The following RBFOX3 variants were observed in gnomAD, a reference collection of about 807,000 sequenced individuals.
RBFOX3 encodes the protein RNA binding protein fox-1 homolog 3.
A neutral mutation model predicts 48.7 loss-of-function variants in RBFOX3; 17 were observed. The ratio of observed to expected loss-of-function variants is 0.35; its 90% confidence interval spans 0.24 to 0.52. RBFOX3 has a LOEUF of 0.52. Ranked by LOEUF, RBFOX3 falls within the 20% of genes least tolerant of loss-of-function variation. The probability of loss-of-function intolerance (pLI) is 0.94; values close to 1 mark genes in which losing one functional copy is unlikely to be tolerated. For missense variants in RBFOX3, 382 were observed against 497.5 expected (o/e 0.77, Z 2.21); for synonymous variants, 212 against 209.5 (o/e 1.01, Z -0.10).
rs1027443332 is a variant in RBFOX3, at chr17:79,477,937, G to T, written c.-175+4517C>A. 6.6e-6 allele frequency among the ~76,000 whole-genome samples: 1 copy of T among 152,096 alleles called. No individual in the cohort carries two copies. The highest frequency in any genetic ancestry group is 2.4e-5 in the African/African-American group (1 of 41,430). On this transcript the variant is annotated intron_variant, in intron 2 of 14. Transcript: ENST00000693108. The surrounding 1 kb of genome is among the most constrained non-coding windows in gnomAD (Gnocchi z 4.8). ...CAGCAACGTCCTTCAGCTGGGCACC[G>T]CCTGTTCCACCCAGGAGCACCTAGG... is the stretch of plus-strand genomic sequence containing the variant.
chr17:79,186,699 A>C (rs548961966), intron 4 of RBFOX3, among the ~76,000 whole-genome samples: 1 of 152,320 alleles, frequency 6.6e-6, no homozygotes, highest in South Asian at 2.1e-4. Flanking sequence ...GGCAAGAAAA[A>C]ATACCCCATT....
chr17:79,511,021 C>T (rs946802404), intron 1 of RBFOX3, among the ~76,000 whole-genome samples: 1 of 152,184 alleles, frequency 6.6e-6, no homozygotes, highest in Non-Finnish European at 1.5e-5. Context: ...GGCTGCCCCC[C>T]AGAACCTCCT....
At chr17:79,280,476 C>T (rs563681731) in intron 3 of RBFOX3, among the ~76,000 whole-genome samples, 38 of 152,324 alleles carry the variant, frequency 2.5e-4, no homozygotes, top group South Asian at 8.3e-4. Context: ...TGCCTTCCTG[C>T]GAGGCCTCCC....
intron 5 of RBFOX3, among the ~76,000 whole-genome samples, chr17:79,112,526 C>T (rs1037303874): frequency 6.6e-6 from 1 of 152,100 alleles, no homozygotes; most frequent in African/African-American, 2.4e-5. Flanking sequence ...GTGGAGGAGA[C>T]GGAGAGGTCT....
At chr17:79,509,247 G>T (rs1224305534) in intron 1 of RBFOX3, among the ~76,000 whole-genome samples, 4 of 152,192 alleles carry the variant, frequency 2.6e-5, no homozygotes, top group Non-Finnish European at 5.9e-5. Context: ...CTGGTCGATA[G>T]GAGCGCCAGA....
chr17:79,294,710 G>A (rs1235240071), intron 3 of RBFOX3, among the ~76,000 whole-genome samples: 1 of 152,176 alleles, frequency 6.6e-6, no homozygotes, highest in Admixed American at 6.5e-5. Flanking sequence ...CCACGCGGCC[G>A]AACTCCGGAC....
At position 79,596,713 on chromosome 17, in the gene RBFOX3, G is replaced by A. The variant is rs1027359299; in HGVS notation, c.-320+14113C>T. ...GCACTTGCAGCCCAATACGGGAGAT[G>A]GAGCTGCAGACGCCCATCAGGATCT... On this transcript the variant is annotated intron_variant, in intron 1 of 14. Transcript: ENST00000693108. Among the ~76,000 whole-genome samples, 315 of 138,424 alleles carry A rather than the reference G, an allele frequency of 2.3e-3. 1 individual carries two copies. Among genetic ancestry groups the A allele is most frequent in the African/African-American group, 8.9e-3 (304 of 34,178 alleles). 90.8% of individuals were successfully genotyped at this position (138,424 alleles called of 152,430 possible).
Position 79,481,187 on chromosome 17 carries a change from G to A in RBFOX3, c.-175+1267C>T, listed in dbSNP as rs748627678. ...GTATTGGAGAGACCAGCCTGTGTCC[G>A]GGCCTCTGGTCTCTTTGTCCAGGGT... On this transcript the variant is annotated intron_variant, in intron 2 of 14. Coordinates refer to ENST00000693108, the MANE Select transcript of RBFOX3 (RefSeq NM_001350451.2). This position sits in a 1 kb window ranked among gnomAD's most constrained non-coding sequence, Gnocchi z 5.4. Among the ~76,000 whole-genome samples, 2 of 152,232 alleles carry A rather than the reference G, an allele frequency of 1.3e-5. No individual in the cohort carries two copies. Among genetic ancestry groups the A allele is most frequent in the East Asian group, 1.9e-4 (1 of 5,176 alleles).
intron 1 of RBFOX3, among the ~76,000 whole-genome samples, chr17:79,508,358 A>T (rs1361353090): frequency 6.6e-6 from 1 of 152,086 alleles, no homozygotes; most frequent in Non-Finnish European, 1.5e-5. Context: ...GTTTGCCAAC[A>T]TTGGGGGCGT....
upstream of RBFOX3, among the ~76,000 whole-genome samples, chr17:79,611,130 T>TCTCCC (rs1491548376): frequency 2.6e-5 from 1 of 37,816 alleles, no homozygotes; most frequent in South Asian, 9.4e-4. Flanking sequence ...TCCGCCCTCC[T>TCTCCC]TCTCTCTCTC....
At chr17:79,326,990 C>T (rs933828803) in intron 2 of RBFOX3, among the ~76,000 whole-genome samples, 2 of 152,224 alleles carry the variant, frequency 1.3e-5, no homozygotes, top group African/African-American at 4.8e-5. Flanking sequence ...CACAGCACAC[C>T]AGGAGCCGAT....
intron 4 of RBFOX3, among the ~76,000 whole-genome samples, chr17:79,130,482 C>G (rs1458553957): frequency 6.6e-6 from 1 of 152,252 alleles, no homozygotes; most frequent in Non-Finnish European, 1.5e-5. Context: ...CGCTGTGGTC[C>G]CTGCCACCGC....
In RBFOX3 at chr17:79,249,084, C is replaced by T. The variant is rs77559205; in HGVS notation, c.-73-13279G>A. ...GGCTGCCTCCCCTGGGTCGGCAACG[C>T]CACCTCGCTTCCTGCAGCTGACAAA... On this transcript the variant is annotated intron_variant, in intron 3 of 14. Transcript: ENST00000693108. This position sits in a 1 kb window ranked among gnomAD's most constrained non-coding sequence, Gnocchi z 4.1. Among the ~76,000 whole-genome samples, 4,517 of 152,280 alleles carry T rather than the reference C, an allele frequency of 0.03. 229 individuals carry two copies. Among genetic ancestry groups the T allele is most frequent in the African/African-American group, 0.1 (4,273 of 41,526 alleles).
At chr17:79,486,072 G>T (rs947027631) in intron 1 of RBFOX3, among the ~76,000 whole-genome samples, 1 of 152,242 alleles carries the variant, frequency 6.6e-6, no homozygotes, top group African/African-American at 2.4e-5. Flanking sequence ...CTCAGGGCTC[G>T]CCCCAGGCTT....
At chr17:79,229,479 A>G (rs759446637) in intron 4 of RBFOX3, among the ~76,000 whole-genome samples, 20 of 149,938 alleles carry the variant, frequency 1.3e-4, no homozygotes, top group Non-Finnish European at 2.8e-4. Flanking sequence ...TAATTGCTTG[A>G]ACCTGGGAGG....
intron 4 of RBFOX3, among the ~76,000 whole-genome samples, chr17:79,218,445 T>C (rs1165351023): frequency 1.3e-5 from 2 of 152,072 alleles, no homozygotes; most frequent in Non-Finnish European, 2.9e-5. Context: ...CATCCCAAAA[T>C]AGCCTGGAAG....
chr17:79,489,353 A>G (rs8071616), intron 1 of RBFOX3, among the ~76,000 whole-genome samples: 140,956 of 152,098 alleles, frequency 0.93, 65,860 homozygotes, highest in Non-Finnish European at 0.98. Flanking sequence ...GGAGTGCAGT[A>G]ACTTGAACAC....
intron 3 of RBFOX3, among the ~76,000 whole-genome samples, chr17:79,288,146 AC>A (rs2072394892): frequency 1.3e-5 from 2 of 151,574 alleles, no homozygotes; most frequent in Non-Finnish European, 2.9e-5. Context: ...CCTTCTCTGC[AC>A]CCCGGGCCTC....
chr17:79,539,614 G>C (rs2089375629), intron 1 of RBFOX3, among the ~76,000 whole-genome samples: 1 of 152,198 alleles, frequency 6.6e-6, no homozygotes, highest in Admixed American at 6.5e-5. Context: ...ATTGCTAACA[G>C]TGGTTAACAG....
Sources: allele counts gnomAD v4.1 joint callset (sites outside exome capture counted in the v4.1 genomes callset), GRCh38; gene constraint gnomAD v4.1.1; non-coding constraint Gnocchi (gnomAD v3.1); transcripts MANE v1.5; gene names NCBI Gene and HGNC (gene_info 2026-07-23, HGNC 2026-07-21).